Variants in EP300 observed in about 807,000 individuals in gnomAD.
EP300 encodes histone acetyltransferase p300.
Under a neutral mutation model 264.0 loss-of-function variants are expected in EP300, and 31 were observed. The ratio of observed to expected loss-of-function variants is 0.12; its 90% CI spans 0.09 to 0.16. The LOEUF is 0.16. EP300 is among the 10% of genes least tolerant of loss of function. The pLI, the probability that EP300 is intolerant of heterozygous loss-of-function variation, is 1.00. For synonymous variants in EP300, 1,340 were observed against 1,045.4 expected (o/e 1.28, Z -5.44); for missense variants, 2,766 against 3,052.9 (o/e 0.91, Z 2.21).
At chr22:41,146,226 G>A (rs2059010107) in intron 10 of EP300, among the ~76,000 whole-genome samples, 1 of 148,288 alleles carries the variant, frequency 6.7e-6, no homozygotes, top group Admixed American at 6.8e-5. Flanking sequence ...GTGCAGTCGT[G>A]TGATCTTGGC....
chr22:41,098,572 C>T (rs1258159635), intron 1 of EP300, among the ~76,000 whole-genome samples: 1 of 152,134 alleles, frequency 6.6e-6, no homozygotes, highest in Admixed American at 6.5e-5. Context: ...GGGGTTTCAC[C>T]GTGTTAGCAA....
chr22:41,172,955 C>T (rs969597333), intron 28 of EP300, among the ~76,000 whole-genome samples: 2 of 152,170 alleles, frequency 1.3e-5, no homozygotes, highest in Admixed American at 6.6e-5. Context: ...ATCTGAAGGA[C>T]TAGGTTATGA....
chr22:41,143,588 T>C (rs1310377322), intron 10 of EP300, among the ~76,000 whole-genome samples: 1 of 152,186 alleles, frequency 6.6e-6, no homozygotes, highest in Non-Finnish European at 1.5e-5. Context: ...TGTTTTTGTT[T>C]TTTTTTTGAA....
chr22:41,169,673 A>T (rs2145765482), intron 26 of EP300, 57 bp downstream of exon 26: 1 of 1,009,404 alleles, frequency 9.9e-7, no homozygotes, highest in East Asian at 2.4e-5. Flanking sequence ...TTCTGGTGAG[A>T]TATAGGTTAA....
At chr22:41,164,778 T>C (rs990038077) in intron 22 of EP300, among the ~76,000 whole-genome samples, 1 of 152,174 alleles carries the variant, frequency 6.6e-6, no homozygotes, top group Admixed American at 6.5e-5. Context: ...CTGGCATGAA[T>C]AGGTCTGGCC....
At chr22:41,168,907 G>A (rs2145764133) in intron 25 of EP300, 40 bp downstream of exon 25, 1 of 1,613,912 alleles carries the variant, frequency 6.2e-7, no homozygotes, top group Non-Finnish European at 8.5e-7. Flanking sequence ...GATTTGTGTG[G>A]GAGTTCCAAC....
At chr22:41,135,992 C>T (rs1374880834) in intron 7 of EP300, 86 bp downstream of exon 7, 8 of 1,072,596 alleles carry the variant, frequency 7.5e-6, no homozygotes, top group Admixed American at 1.8e-5. Flanking sequence ...AACTTAGTTT[C>T]CTCGGTTTGA....
intron 22 of EP300, among the ~76,000 whole-genome samples, 199 bp downstream of exon 22, chr22:41,164,329 A>T (rs1054680640): frequency 2.0e-5 from 3 of 152,188 alleles, no homozygotes; most frequent in African/African-American, 7.2e-5. Flanking sequence ...TTTTTATCTT[A>T]TTTTTATGCA....
intron 1 of EP300, among the ~76,000 whole-genome samples, chr22:41,096,776 C>T (rs1171007794): frequency 6.6e-6 from 1 of 151,998 alleles, no homozygotes; most frequent in African/African-American, 2.4e-5. Flanking sequence ...CACAACCATG[C>T]CCAGCTAAGT....
intron 1 of EP300, chr22:41,108,006 G>GAGTTTATT (rs1458147003): frequency 6.6e-6 from 1 of 151,978 alleles, no homozygotes. Flanking sequence ...CCCGGCCACC[G>GAGTTTATT]AGTTTATTTT....
At chr22:41,164,671 C>T (rs1345276944) in intron 22 of EP300, among the ~76,000 whole-genome samples, 1 of 152,120 alleles carries the variant, frequency 6.6e-6, no homozygotes, top group Non-Finnish European at 1.5e-5. Context: ...GCTGAGATCA[C>T]GCCACTGCAC....
intron 10 of EP300, among the ~76,000 whole-genome samples, chr22:41,142,119 T>C (rs1324323240): frequency 6.6e-6 from 1 of 152,208 alleles, no homozygotes. Flanking sequence ...ATCAAAGTAG[T>C]GAAATATGGA....
intron 28 of EP300, 42 bp from the exon 29 acceptor site, chr22:41,173,581 A>G (rs2059183078): frequency 6.2e-7 from 1 of 1,610,362 alleles, no homozygotes; most frequent in Non-Finnish European, 8.5e-7. Context: ...AAATTACTTA[A>G]CAAAAACCTT....
At chr22:41,132,423 G>T (rs2145716807) in intron 6 of EP300, among the ~76,000 whole-genome samples, 1 of 151,280 alleles carries the variant, frequency 6.6e-6, no homozygotes, top group East Asian at 2.0e-4. Context: ...GAGTAGCTGG[G>T]ACTACAGGCG....
At chr22:41,121,032 A>G (rs1200343283) in intron 2 of EP300, among the ~76,000 whole-genome samples, 1 of 152,206 alleles carries the variant, frequency 6.6e-6, no homozygotes, top group Non-Finnish European at 1.5e-5. Context: ...GGCATGGCTC[A>G]GTAGTTCACA....
chr22:41,123,948 CT>C (rs1304346343), intron 2 of EP300, among the ~76,000 whole-genome samples: 1 of 152,064 alleles, frequency 6.6e-6, no homozygotes, highest in African/African-American at 2.4e-5. Flanking sequence ...ACATAAACTA[CT>C]TTTTAAAGTA....
chr22:41,094,595 C>G (rs975168924), intron 1 of EP300, among the ~76,000 whole-genome samples: 3 of 152,202 alleles, frequency 2.0e-5, no homozygotes, highest in Admixed American at 2.0e-4. Flanking sequence ...CTTCAGAATT[C>G]ATACACATAC....
rs775778019 is a variant in EP300, at chr22:41,178,287, G to A, written c.6576G>A (p.Gln2192=). The A allele has an allele frequency of 1.2e-6, 2 of 1,613,692 alleles. No homozygotes were observed. The highest frequency in any genetic ancestry group is 2.2e-5 in the East Asian group (1 of 44,878). ...ILRRQQMMQQ[Q]QQQGAGPGIG... ...GACGACAGCAAATGATGCAACAGCA[G>A]CAGCAACAGGGAGCAGGGCCAGGAA... Residue 2192 remains glutamine, a synonymous_variant, in exon 31 of 31, where the codon CAG becomes CAA. Coordinates refer to ENST00000263253, the MANE Select transcript of EP300 (RefSeq NM_001429.4).
Position 41,143,569 on chromosome 22 carries a change from TGTTG to T in EP300, c.2053+2351_2053+2354del, listed in dbSNP as rs765612864. Among the ~76,000 whole-genome samples, 66 of 152,256 alleles carry T rather than the reference TGTTG, an allele frequency of 4.3e-4. 2 individuals carry two copies. Among genetic ancestry groups the T allele is most frequent in the Admixed American group, 1.3e-3 (20 of 15,290 alleles). The stretch of plus-strand genomic sequence containing the variant: ...GTTTCTTTAACATTTGTTTTTTTGT[TGTTG>T]GTTTTGTTTTTGTTTTTTTTTTGAA... On this transcript the variant is annotated intron_variant, in intron 10 of 30. Transcript: ENST00000263253.
Sources: allele counts gnomAD v4.1 joint callset (sites outside exome capture counted in the v4.1 genomes callset), GRCh38; gene constraint gnomAD v4.1.1; transcripts MANE v1.5; gene names NCBI Gene and HGNC (gene_info 2026-07-23, HGNC 2026-07-21).